Variants in ACSS2 observed in about 807,000 individuals in gnomAD.
ACSS2 encodes acetyl-coenzyme A synthetase, cytoplasmic.
ACSS2 carries 58 observed loss-of-function variants against 90.6 expected under a neutral mutation model. The observed-to-expected ratio is 0.64, with a 90% CI of 0.52 to 0.80. ACSS2 has a LOEUF of 0.80. Ranked by LOEUF, ACSS2 falls within the 30% of genes least tolerant of loss-of-function variation. The probability of loss-of-function intolerance (pLI) is 0.00; values close to 1 mark genes in which losing one functional copy is unlikely to be tolerated. For synonymous variants in ACSS2, 300 were observed against 330.9 expected, an observed-to-expected ratio of 0.91 and a Z score of 1.01; for missense variants, 759 against 912.0, an observed-to-expected ratio of 0.83 and a Z score of 2.16.
chr20:34,901,398 C>T (rs2080655882), intron 2 of ACSS2, among the ~76,000 whole-genome samples: 1 of 152,128 alleles, frequency 6.6e-6, no homozygotes, highest in Non-Finnish European at 1.5e-5. Context: ...TCTGGCCCTC[C>T]TCTGGCATTC....
chr20:34,885,334 A>G (rs906932542), intron 2 of ACSS2, among the ~76,000 whole-genome samples: 16 of 152,242 alleles, frequency 1.1e-4, no homozygotes, highest in Non-Finnish European at 2.1e-4. Context: ...CAGAATACAC[A>G]GGCCAGAGTT....
intron 2 of ACSS2, among the ~76,000 whole-genome samples, chr20:34,910,019 A>ATT (rs11482260): frequency 0.037 from 5,085 of 138,014 alleles, 282 homozygotes; most frequent in African/African-American, 0.12. Flanking sequence ...GCCTGGCCAA[A>ATT]TTTTTTTTTT....
At chr20:34,925,998 G>A (rs2081310594) in intron 15 of ACSS2, 107 bp from the exon 16 acceptor site, 3 of 1,206,868 alleles carry the variant, frequency 2.5e-6, no homozygotes, top group East Asian at 4.8e-5. Context: ...GTGAATGAAG[G>A]GTCTTCTCCA....
upstream of ACSS2, chr20:34,876,300 T>A (rs2079904416): frequency 9.2e-6 from 2 of 218,072 alleles, no homozygotes; most frequent in South Asian, 1.7e-4. Flanking sequence ...CTGTCCCGCC[T>A]GGCCCCGCCC....
chr20:34,899,470 T>TTCCTTCCTTACTTCCTTCCTTC (rs1363808926), intron 2 of ACSS2, among the ~76,000 whole-genome samples: 1 of 107,702 alleles, frequency 9.3e-6, no homozygotes, highest in African/African-American at 3.5e-5. Context: ...TTCCTTCCTT[T>TTCCTTCCTTACTTCCTTCCTTC]CTTTTTCTTT....
chr20:34,894,115 A>G (rs1391444790), intron 2 of ACSS2, among the ~76,000 whole-genome samples: 1 of 152,170 alleles, frequency 6.6e-6, no homozygotes, highest in Admixed American at 6.5e-5. Context: ...GCAGTCACAG[A>G]GGGTTCTTGT....
intron 2 of ACSS2, among the ~76,000 whole-genome samples, chr20:34,901,424 T>A (rs1431524113): frequency 6.6e-6 from 1 of 152,128 alleles, no homozygotes; most frequent in Non-Finnish European, 1.5e-5. Flanking sequence ...AATCTGTGGT[T>A]CAGTTTTTGG....
chr20:34,889,625 T>G (rs2146990221), intron 2 of ACSS2, among the ~76,000 whole-genome samples: 1 of 152,328 alleles, frequency 6.6e-6, no homozygotes, highest in African/African-American at 2.4e-5. Context: ...TCTTTTATAT[T>G]AAGAAGAGAC....
chr20:34,914,054 A>G (rs760805642), intron 5 of ACSS2, 42 bp from the exon 6 acceptor site: 2 of 1,606,274 alleles, frequency 1.2e-6, no homozygotes, highest in South Asian at 1.1e-5. Context: ...ACTAGGCAGC[A>G]TGGGGCTTAC....
chr20:34,902,698 T>G (rs572343872), intron 2 of ACSS2, among the ~76,000 whole-genome samples: 29 of 151,980 alleles, frequency 1.9e-4, no homozygotes, highest in African/African-American at 6.5e-4. Flanking sequence ...ATTTGTGGTT[T>G]GTTTTATTGT....
intron 2 of ACSS2, among the ~76,000 whole-genome samples, chr20:34,910,837 T>C (rs1238427962): frequency 6.6e-6 from 1 of 152,190 alleles, no homozygotes; most frequent in Non-Finnish European, 1.5e-5. Flanking sequence ...TTTATTTATT[T>C]TTTGAGACAG....
rs2081346046 is a variant in ACSS2, at chr20:34,927,574, C to T, written c.*360C>T. ...ATCCTATGTCAGCTCTCTTAGGAAG[C>T]CCCAGTACTTATATTGGGCATGCAC... is the stretch of plus-strand genomic sequence containing the variant. On this transcript the variant is annotated 3_prime_UTR_variant, in exon 18 of 18. Coordinates refer to ENST00000360596, the MANE Select transcript of ACSS2 (RefSeq NM_018677.4). The surrounding 1 kb of genome is among the most constrained non-coding windows in gnomAD (Gnocchi z 4.2). 3.9e-6 allele frequency: 1 copy of T among 256,662 alleles called. No individual in the cohort carries two copies. The highest frequency in any genetic ancestry group is 4.7e-5 in the Admixed American group (1 of 21,174). The allele number at this position is 256,662 out of a possible 1,614,324, so 15.9% of individuals were successfully genotyped here.
chr20:34,899,574 C>T (rs891081402), intron 2 of ACSS2, among the ~76,000 whole-genome samples: 11 of 151,626 alleles, frequency 7.3e-5, no homozygotes, highest in Admixed American at 2.0e-4. Context: ...ACTGCAACCT[C>T]CGCCTCCCGG....
intron 8 of ACSS2, 112 bp downstream of exon 8, chr20:34,919,684 A>G: frequency 1.4e-6 from 2 of 1,422,168 alleles, no homozygotes; most frequent in Non-Finnish European, 1.9e-6. Context: ...TTTTCCTACA[A>G]CCCTGAGTTT....
At chr20:34,898,226 G>T (rs143981904) in intron 2 of ACSS2, among the ~76,000 whole-genome samples, 1 of 152,274 alleles carries the variant, frequency 6.6e-6, no homozygotes, top group South Asian at 2.1e-4. Flanking sequence ...GGACCTGAGC[G>T]GGTTACCACT....
At chr20:34,912,308 T>C (rs2080978149) in intron 2 of ACSS2, among the ~76,000 whole-genome samples, 1 of 152,168 alleles carries the variant, frequency 6.6e-6, no homozygotes, top group Non-Finnish European at 1.5e-5. Context: ...TTATTCAAGA[T>C]GGAAACTCAC....
Position 34,927,485 on chromosome 20 carries a change from T to G in ACSS2, c.*271T>G. 2.0e-6 allele frequency: 1 copy of G among 488,220 alleles called. No individual in the cohort carries two copies. Among genetic ancestry groups the G allele is most frequent in the Non-Finnish European group, 3.7e-6 (1 of 269,156 alleles). 30.2% of individuals were successfully genotyped at this position (488,220 alleles called of 1,614,324 possible). ...ACAGAGACGAAAAGGCTACCTCTCC[T>G]ACCCAAGTTAAGTGTTCAAAGGGGA... On this transcript the variant is annotated 3_prime_UTR_variant, in exon 18 of 18. Coordinates refer to ENST00000360596, the MANE Select transcript of ACSS2 (RefSeq NM_018677.4). The surrounding 1 kb of genome is among the most constrained non-coding windows in gnomAD (Gnocchi z 4.2).
chr20:34,913,895 G>A (rs1419659062), intron 5 of ACSS2, 70 bp downstream of exon 5: 3 of 1,508,386 alleles, frequency 2.0e-6, no homozygotes, highest in African/African-American at 2.8e-5. Flanking sequence ...TCAGCTCATT[G>A]GTATTTGGGG....
At chr20:34,922,987 A>G (rs1600360369) in intron 13 of ACSS2, 1 of 191,488 alleles carries the variant, frequency 5.2e-6, no homozygotes, top group East Asian at 1.1e-4. Context: ...AGGATTGCCC[A>G]AAAGGAGACA....
Sources: gnomAD v4.1 joint callset for allele counts (sites outside exome capture counted in the v4.1 genomes callset) on GRCh38, gnomAD v4.1.1 for gene constraint, Gnocchi (gnomAD v3.1) non-coding constraint, MANE v1.5 for transcripts, NCBI Gene and HGNC (gene_info 2026-07-23, HGNC 2026-07-21) for gene names.